Variants in FAT3 observed in about 807,000 individuals in gnomAD.
FAT3 encodes the protein protocadherin Fat 3.
FAT3 carries 95 observed loss-of-function variants against 310.2 expected under a neutral mutation model. The ratio of observed to expected loss-of-function variants is 0.31; its 90% CI spans 0.26 to 0.36. The LOEUF is 0.36. FAT3 is among the 10% of genes least tolerant of loss of function. The pLI is 1.00. For synonymous variants in FAT3, 2,314 were observed against 2,192.9 expected (o/e 1.06, Z -1.54); for missense variants, 5,408 against 5,715.6 (o/e 0.95, Z 1.74).
chr11:92,811,601 G>A (rs1380828545), intron 13 of FAT3, among the ~76,000 whole-genome samples: 3 of 152,156 alleles, frequency 2.0e-5, no homozygotes, highest in Non-Finnish European at 4.4e-5. Context: ...GGGAGTTGGG[G>A]AGGAAGGAAT....
At chr11:92,578,098 C>T (rs1450110642) in intron 3 of FAT3, among the ~76,000 whole-genome samples, 2 of 152,066 alleles carry the variant, frequency 1.3e-5, no homozygotes, top group Admixed American at 6.6e-5. Flanking sequence ...GTAAACTCTA[C>T]GTGTTGTGTT....
intron 2 of FAT3, among the ~76,000 whole-genome samples, chr11:92,513,299 C>T (rs1168364331): frequency 6.6e-6 from 1 of 152,060 alleles, no homozygotes; most frequent in Non-Finnish European, 1.5e-5. Flanking sequence ...GCCCATTCTT[C>T]CTTAACTGTT....
chr11:92,247,697 G>C (rs1864975982), intron 1 of FAT3, among the ~76,000 whole-genome samples: 1 of 149,930 alleles, frequency 6.7e-6, no homozygotes. Context: ...GCGGAAGTCT[G>C]CCTATTGTAA....
At chr11:92,229,381 G>A (rs1301105354) in intron 1 of FAT3, among the ~76,000 whole-genome samples, 3 of 151,172 alleles carry the variant, frequency 2.0e-5, no homozygotes, top group Admixed American at 6.6e-5. Flanking sequence ...TGTTTTGGTC[G>A]ATTTAATTCT....
intron 19 of FAT3, among the ~76,000 whole-genome samples, chr11:92,847,771 A>G (rs1052171680): frequency 3.3e-5 from 5 of 152,232 alleles, no homozygotes; most frequent in Admixed American, 2.0e-4. Flanking sequence ...TCTTTGTTTT[A>G]ATAGCAATAG....
At chr11:92,810,158 C>A in intron 13 of FAT3, 82 bp downstream of exon 13, 1 of 1,233,840 alleles carries the variant, frequency 8.1e-7, no homozygotes. Flanking sequence ...TTTATAAGAA[C>A]CTTAATCAAC....
intron 2 of FAT3, among the ~76,000 whole-genome samples, chr11:92,412,563 A>G (rs951649414): frequency 2.0e-5 from 3 of 148,638 alleles, no homozygotes; most frequent in Non-Finnish European, 3.0e-5. Flanking sequence ...TGGAGACTCC[A>G]TAACTATTAT....
intron 1 of FAT3, among the ~76,000 whole-genome samples, chr11:92,313,810 G>T (rs11019900): frequency 3.9e-5 from 6 of 152,062 alleles, no homozygotes; most frequent in African/African-American, 1.4e-4. Context: ...TGCCGACCTC[G>T]GCCTCCCAAA....
At chr11:92,876,207 G>A (rs772594907) in intron 22 of FAT3, among the ~76,000 whole-genome samples, 11 of 152,124 alleles carry the variant, frequency 7.2e-5, no homozygotes, top group South Asian at 2.1e-4. Flanking sequence ...GCTTTTCAGA[G>A]TCCTGTACTG....
chr11:92,240,265 A>G (rs952577191), intron 1 of FAT3, among the ~76,000 whole-genome samples: 2 of 152,062 alleles, frequency 1.3e-5, no homozygotes, highest in Admixed American at 1.3e-4. Context: ...GAAAGAAGTG[A>G]ACTTGTGACA....
intron 2 of FAT3, among the ~76,000 whole-genome samples, chr11:92,506,731 A>T (rs1172634015): frequency 2.0e-5 from 3 of 152,052 alleles, no homozygotes; most frequent in Non-Finnish European, 4.4e-5. Context: ...AATTATCATG[A>T]TTTTTCTTCC....
chr11:92,310,480 AT>A (rs1306236062), intron 1 of FAT3, among the ~76,000 whole-genome samples: 1 of 152,192 alleles, frequency 6.6e-6, no homozygotes, highest in Non-Finnish European at 1.5e-5. Context: ...AGTAATAAGA[AT>A]TTTAGCAAAA....
At chr11:92,370,815 A>G (rs902312921) in intron 2 of FAT3, among the ~76,000 whole-genome samples, 8 of 152,244 alleles carry the variant, frequency 5.3e-5, no homozygotes, top group African/African-American at 1.7e-4. Context: ...CTAACTCAAA[A>G]TTCTGTATTC....
rs115187200 is a variant in FAT3 at position 92,266,956 on chromosome 11, G to T, written c.-18+41782G>T. ...AAATGGCCCATTAGCATGTGTCTGTGTGCTGCTCTGGGCTGATATAAATCT... is the reference window on the plus strand; with the variant it reads ...AAATGGCCCATTAGCATGTGTCTGTTTGCTGCTCTGGGCTGATATAAATCT... On this transcript the variant is annotated intron_variant, in intron 1 of 27. Transcript: ENST00000525166. Among the ~76,000 whole-genome samples, 1,395 of 152,240 alleles carry T rather than the reference G, an allele frequency of 9.2e-3. 17 individuals are homozygous for T. Among genetic ancestry groups the T allele is most frequent in the African/African-American group, 0.032 (1,311 of 41,552 alleles).
At chr11:92,837,552 A>C (rs1160630881) in intron 16 of FAT3, 111 bp from the exon 17 acceptor site, 13 of 1,327,556 alleles carry the variant, frequency 9.8e-6, no homozygotes, top group Admixed American at 9.8e-5. Flanking sequence ...AATCAAACTA[A>C]AGATGGTTGC....
chr11:92,741,351 A>G (rs2251118), intron 4 of FAT3, among the ~76,000 whole-genome samples: 24,677 of 152,176 alleles, frequency 0.16, 2,135 homozygotes, highest in African/African-American at 0.21. Context: ...ACACCTGGCC[A>G]TATACATACT....
At chr11:92,706,833 G>T (rs1266439793) in intron 4 of FAT3, among the ~76,000 whole-genome samples, 2 of 152,174 alleles carry the variant, frequency 1.3e-5, no homozygotes, top group African/African-American at 4.8e-5. Context: ...TGAGTCTTAA[G>T]AGACTCTGTT....
chr11:92,781,896 A>T (rs867347914), intron 7 of FAT3, among the ~76,000 whole-genome samples: 25 of 152,208 alleles, frequency 1.6e-4, no homozygotes, highest in Admixed American at 2.0e-4. Context: ...GTTATTTATG[A>T]AAGACAGCAG....
At chr11:92,467,839 T>G (rs752915269) in intron 2 of FAT3, among the ~76,000 whole-genome samples, 46 of 152,184 alleles carry the variant, frequency 3.0e-4, no homozygotes, top group Non-Finnish European at 5.7e-4. Flanking sequence ...ACTTCCTTCT[T>G]CTATCCTGTA....
Sources: allele counts gnomAD v4.1 joint callset (sites outside exome capture counted in the v4.1 genomes callset), GRCh38; gene constraint gnomAD v4.1.1; transcripts MANE v1.5; gene names NCBI Gene and HGNC (gene_info 2026-07-23, HGNC 2026-07-21).